The following KATNIP variants were observed in gnomAD, a reference collection of about 807,000 sequenced individuals.
KATNIP encodes katanin interacting protein.
KATNIP carries 126 observed loss-of-function variants against 174.0 expected under a neutral mutation model. That is an observed-to-expected ratio of 0.72 (90% CI 0.63 to 0.84). KATNIP has a LOEUF of 0.84. Among genes scored for constraint, KATNIP ranks in the 40% least tolerant of loss-of-function variants. The pLI is 0.00. For synonymous variants in KATNIP, 810 were observed against 835.7 expected (o/e 0.97, Z 0.53); for missense variants, 1,958 against 2,109.7 (o/e 0.93, Z 1.41).
chr16:27,561,877 C>T (rs1567437428), intron 1 of KATNIP, among the ~76,000 whole-genome samples: 1 of 152,208 alleles, frequency 6.6e-6, no homozygotes, highest in Non-Finnish European at 1.5e-5. Flanking sequence ...AGGGGTCACA[C>T]ATTTAGAGGC....
intron 12 of KATNIP, among the ~76,000 whole-genome samples, chr16:27,707,049 A>G (rs1232805745): frequency 6.6e-6 from 1 of 152,124 alleles, no homozygotes; most frequent in Non-Finnish European, 1.5e-5. Context: ...AGGAGCTGTG[A>G]GCTGACCTCT....
intron 5 of KATNIP, among the ~76,000 whole-genome samples, chr16:27,641,412 C>A (rs2076793170): frequency 6.6e-6 from 1 of 152,146 alleles, no homozygotes; most frequent in Admixed American, 6.5e-5. Flanking sequence ...TTCCATGCCC[C>A]AGAACCAGTC....
rs367625637 is a variant in KATNIP at position 27,751,870 on chromosome 16, C to T, written c.3498C>T (p.Asp1166=). ...CAATGAGGAGGCCCAGCACGGCCGA[C>T]GGCGAGGGGGATGAGCGGCCCTTCA... is the stretch of plus-strand genomic sequence containing the variant. ...EEAMRRPSTA[D]GEGDERPFTQ... The change falls in exon 17 of 28, where the codon GAC becomes GAT. Residue 1166 remains aspartate, a synonymous_variant. Transcript: ENST00000261588. The T allele has an allele frequency of 1.5e-5, 24 of 1,613,522 alleles. No homozygotes were observed. Among genetic ancestry groups the T allele is most frequent in the Middle Eastern group, 1.7e-4 (1 of 5,792 alleles).
chr16:27,704,167 G>C (rs779517597), intron 12 of KATNIP, among the ~76,000 whole-genome samples, 169 bp downstream of exon 12: 67 of 151,520 alleles, frequency 4.4e-4, no homozygotes, highest in Admixed American at 9.2e-4. Context: ...ATGAAGAGCA[G>C]GGGTAGAGAA....
intron 2 of KATNIP, among the ~76,000 whole-genome samples, chr16:27,584,048 G>A (rs943619603): frequency 2.6e-5 from 4 of 152,160 alleles, no homozygotes; most frequent in African/African-American, 4.8e-5. Flanking sequence ...CATAGCTTCA[G>A]TTTCTTTCTA....
chr16:27,664,867 T>A (rs2077630635), intron 6 of KATNIP, among the ~76,000 whole-genome samples: 1 of 152,146 alleles, frequency 6.6e-6, no homozygotes, highest in Non-Finnish European at 1.5e-5. Context: ...AGGAGCAGTG[T>A]GTGCATGTGC....
chr16:27,622,659 A>G (rs2076230241), intron 3 of KATNIP, among the ~76,000 whole-genome samples: 1 of 152,180 alleles, frequency 6.6e-6, no homozygotes, highest in South Asian at 2.1e-4. Flanking sequence ...AGGTCATTCA[A>G]GGGAAACTTA....
intron 13 of KATNIP, among the ~76,000 whole-genome samples, chr16:27,720,615 A>G (rs1315362231): frequency 6.6e-6 from 1 of 150,484 alleles, no homozygotes; most frequent in Non-Finnish European, 1.5e-5. Flanking sequence ...TGGGGGCCTG[A>G]CATGGACGTG....
intron 8 of KATNIP, 67 bp from the exon 9 acceptor site, chr16:27,698,261 T>A (rs921707609): frequency 6.8e-7 from 1 of 1,477,130 alleles, no homozygotes; most frequent in East Asian, 2.3e-5. Flanking sequence ...AATTGGGGTC[T>A]AATGGGTTGT....
chr16:27,634,909 A>G, intron 5 of KATNIP, among the ~76,000 whole-genome samples: 1 of 152,150 alleles, frequency 6.6e-6, no homozygotes, highest in Non-Finnish European at 1.5e-5. Context: ...GGAAACCTCA[A>G]ATCTGTCTCC....
At chr16:27,737,534 C>T (rs531380668) in intron 14 of KATNIP, among the ~76,000 whole-genome samples, 159 of 152,182 alleles carry the variant, frequency 1.0e-3, no homozygotes, top group African/African-American at 3.6e-3. Context: ...CTGAATGAGA[C>T]CACCTGGAGA....
At chr16:27,770,400 A>G (rs1205612833) in intron 21 of KATNIP, among the ~76,000 whole-genome samples, 2 of 152,156 alleles carry the variant, frequency 1.3e-5, no homozygotes, top group Non-Finnish European at 2.9e-5. Context: ...AGAGCTTAAT[A>G]TTTCATGGAT....
At chr16:27,695,024 C>T (rs1016590227) in intron 8 of KATNIP, among the ~76,000 whole-genome samples, 2 of 152,160 alleles carry the variant, frequency 1.3e-5, no homozygotes, top group Admixed American at 6.5e-5. Context: ...AGCCATCACT[C>T]GTGGAGTCAC....
chr16:27,770,126 AC>A lies in KATNIP; in HGVS notation c.4133+109del. Reference sequence around the variant, plus strand: ...GAAAGGGTTTTGAAACGATGATCAAACGCATTGCTTTTCAACTTAGTCATTT... The same window carrying A: ...GAAAGGGTTTTGAAACGATGATCAAAGCATTGCTTTTCAACTTAGTCATTT... On this transcript the variant is annotated intron_variant, in intron 21 of 27. Transcript: ENST00000261588. 2.4e-6 allele frequency: 3 copies of A among 1,259,760 alleles called. No individual in the cohort carries two copies. The South Asian group carries it at 4.0e-5, about 17-fold the overall frequency. 78.0% of individuals were successfully genotyped at this position (1,259,760 alleles called of 1,614,324 possible).
At chr16:27,627,443 G>C (rs2076367089) in intron 3 of KATNIP, among the ~76,000 whole-genome samples, 1 of 152,200 alleles carries the variant, frequency 6.6e-6, no homozygotes, top group Non-Finnish European at 1.5e-5. Context: ...AGTTTGGTGT[G>C]AATGAATCAA....
At chr16:27,578,478 A>G (rs531690075) in intron 2 of KATNIP, among the ~76,000 whole-genome samples, 5 of 152,308 alleles carry the variant, frequency 3.3e-5, no homozygotes, top group African/African-American at 1.2e-4. Context: ...AGAGAATGAT[A>G]AACATTATAG....
At chr16:27,750,417 T>A (rs971305875) in intron 16 of KATNIP, 111 bp downstream of exon 16, 21 of 1,111,528 alleles carry the variant, frequency 1.9e-5, no homozygotes, top group Non-Finnish European at 2.4e-5. Context: ...TCCTTTCTCT[T>A]TCTTTTTTTT....
At chr16:27,744,069 A>G (rs2081198930) in intron 15 of KATNIP, among the ~76,000 whole-genome samples, 1 of 152,208 alleles carries the variant, frequency 6.6e-6, no homozygotes, top group Non-Finnish European at 1.5e-5. Flanking sequence ...CAGTCGTGCT[A>G]AAAAGGAAAG....
At chr16:27,758,553 G>C (rs553980290) in intron 18 of KATNIP, among the ~76,000 whole-genome samples, 1 of 152,276 alleles carries the variant, frequency 6.6e-6, no homozygotes, top group South Asian at 2.1e-4. Context: ...ATTGCAAAGA[G>C]AGGAAAATCC....
Sources: gnomAD v4.1 joint callset for allele counts (sites outside exome capture counted in the v4.1 genomes callset) on GRCh38, gnomAD v4.1.1 for gene constraint, MANE v1.5 for transcripts, NCBI Gene and HGNC (gene_info 2026-07-23, HGNC 2026-07-21) for gene names.